IFI44: variants seen among roughly 807,000 people sequenced by gnomAD.
IFI44 encodes the protein interferon induced protein 44.
A neutral mutation model predicts 45.0 loss-of-function variants in IFI44; 42 were observed. The ratio of observed to expected loss-of-function variants is 0.93; its 90% confidence interval spans 0.73 to 1.21. IFI44 has a LOEUF of 1.21. Ranked by LOEUF, IFI44 falls within the 50% of genes most tolerant of loss-of-function variation. IFI44 has a pLI of 0.00. For missense variants in IFI44, 623 were observed against 525.8 expected (o/e 1.18, Z -1.81); for synonymous variants, 221 against 188.6 (o/e 1.17, Z -1.41).
chr1:78,660,932 T>C (rs1404057294), intron 7 of IFI44, among the ~76,000 whole-genome samples: 1 of 152,244 alleles, frequency 6.6e-6, no homozygotes, highest in Non-Finnish European at 1.5e-5. Context: ...TCCTTTGGTA[T>C]ACTTTAAATA....
chr1:78,655,641 A>T, intron 5 of IFI44, 130 bp downstream of exon 5: 1 of 794,506 alleles, frequency 1.3e-6, no homozygotes, highest in Non-Finnish European at 1.9e-6. Context: ...TTTTTTTTCA[A>T]AAAGAATAAA....
chr1:78,651,470 G>C (rs1647123967), intron 2 of IFI44, among the ~76,000 whole-genome samples: 1 of 152,132 alleles, frequency 6.6e-6, no homozygotes, highest in African/African-American at 2.4e-5. Flanking sequence ...ATGAGCAATG[G>C]GGAGCAGCTG....
intron 8 of IFI44, chr1:78,663,320 C>T: frequency 3.0e-6 from 3 of 985,148 alleles, no homozygotes; most frequent in Non-Finnish European, 3.6e-6. Flanking sequence ...CTTTTTGTTT[C>T]TTTCCTTCAT....
At chr1:78,650,084 T>G (rs2100424188) in intron 1 of IFI44, 102 bp from the exon 2 acceptor site, 1 of 593,964 alleles carries the variant, frequency 1.7e-6, no homozygotes, top group South Asian at 5.8e-5. Context: ...TTGTCATTTT[T>G]TGTATTATGT....
intron 6 of IFI44, among the ~76,000 whole-genome samples, chr1:78,659,880 G>C (rs943947685): frequency 2.6e-5 from 4 of 152,136 alleles, no homozygotes; most frequent in Non-Finnish European, 4.4e-5. Context: ...AAACATTTCC[G>C]AAAGGAAAAG....
rs753703504 is a variant in IFI44 at position 78,662,734 on chromosome 1, GCT to G, written c.1147_1148del (p.Leu383PhefsTer2). ...LEEVQRKLGF[A>X]LSDISVVSNY... Reference sequence around the variant, plus strand: ...GGAAGTCCAAAGAAAACTTGGATTTGCTCTTTCTGACATCTCGGTGGTTAGCA... The same window carrying G: ...GGAAGTCCAAAGAAAACTTGGATTTGCTTTCTGACATCTCGGTGGTTAGCA... On this transcript the variant is annotated frameshift_variant, in exon 8 of 9. Transcript: ENST00000370747. LOFTEE classifies it high-confidence loss of function. 1 of 1,613,300 alleles carries G rather than the reference GCT, an allele frequency of 6.2e-7. No individual in the cohort carries two copies. Among genetic ancestry groups the G allele is most frequent in the East Asian group, 2.2e-5 (1 of 44,848 alleles).
chr1:78,651,008 T>C (rs1193673566), intron 2 of IFI44, among the ~76,000 whole-genome samples: 2 of 152,212 alleles, frequency 1.3e-5, no homozygotes, highest in Non-Finnish European at 2.9e-5. Flanking sequence ...AGGGACATGC[T>C]GTATGTTGTT....
intron 7 of IFI44, among the ~76,000 whole-genome samples, chr1:78,662,128 C>A (rs916273411): frequency 6.6e-6 from 1 of 152,136 alleles, no homozygotes; most frequent in African/African-American, 2.4e-5. Context: ...GGTGGGAACA[C>A]CAGTTGGGAG....
intron 5 of IFI44, among the ~76,000 whole-genome samples, chr1:78,658,291 G>A (rs1327065371): frequency 6.6e-6 from 1 of 151,896 alleles, no homozygotes; most frequent in Non-Finnish European, 1.5e-5. Context: ...CAGTATAAAA[G>A]CTCTATCAGT....
chr1:78,655,007 T>TA lies in IFI44; in HGVS notation c.495-4dup, dbSNP rs1647183718. 1 of 1,601,222 alleles carries TA rather than the reference T, an allele frequency of 6.2e-7. No homozygotes were observed. The highest frequency in any genetic ancestry group is 8.5e-7 in the Non-Finnish European group (1 of 1,173,568). ...GTCAATTGTTAAAAACGGTCATGTC[T>TA]AAACAGGCTCAGGAAGAGCTTACTG... On this transcript the variant is annotated splice_region_variant and splice_polypyrimidine_tract_variant and intron_variant, in intron 3 of 8. Transcript: ENST00000370747.
rs754906118 is a variant in IFI44, at chr1:78,650,644, G to A, written c.449G>A (p.Arg150Gln). Residue 150 changes from arginine to glutamine, a missense_variant, in exon 2 of 9, where the codon CGA (arginine) becomes CAA (glutamine). Transcript: ENST00000370747. ...TISIQDYEVF[R>Q]CEDSLDERKI... ...TCTATTCAGGATTATGAAGTTTTTC[G>A]ATGCGAAGGTAGGTTTAATTAGATA... is the stretch of plus-strand genomic sequence containing the variant. The A allele has an allele frequency of 1.5e-5, 24 of 1,577,032 alleles. No homozygotes were observed. The highest frequency in any genetic ancestry group is 1.8e-4 in the Middle Eastern group (1 of 5,686).
chr1:78,650,423 C>T lies in IFI44; in HGVS notation c.228C>T (p.Ser76=), dbSNP rs773378364. The T allele has an allele frequency of 6.2e-7, 1 of 1,612,736 alleles. No homozygotes were observed. The highest frequency in any genetic ancestry group is 2.2e-5 in the East Asian group (1 of 44,852). ...GTTACCAGGAAGGAAAGTATGCTTC[C>T]ATCATCCTTTTTGCACTTCAAGATA... ...EESYQEGKYA[S]IILFALQDTK... The change falls in exon 2 of 9, where the codon TCC becomes TCT. Residue 76 remains serine, a synonymous_variant. Coordinates refer to ENST00000370747, the MANE Select transcript of IFI44 (RefSeq NM_006417.5).
chr1:78,658,278 C>T (rs1034475515), intron 5 of IFI44, among the ~76,000 whole-genome samples: 1 of 151,876 alleles, frequency 6.6e-6, no homozygotes, highest in Non-Finnish European at 1.5e-5. Flanking sequence ...TCTATAGTAA[C>T]CTCAGTATAA....
At chr1:78,655,870 C>T (rs1477130686) in intron 5 of IFI44, among the ~76,000 whole-genome samples, 2 of 152,138 alleles carry the variant, frequency 1.3e-5, no homozygotes. Flanking sequence ...AGGCCCTCAG[C>T]ATGGGCTGTT....
chr1:78,663,412 A>G, intron 8 of IFI44: 2 of 985,374 alleles, frequency 2.0e-6, no homozygotes, highest in South Asian at 4.7e-5. Flanking sequence ...TTAGTATTAC[A>G]TAAACTTTCT....
intron 2 of IFI44, among the ~76,000 whole-genome samples, chr1:78,652,698 A>G (rs1444174197): frequency 6.6e-6 from 1 of 152,202 alleles, no homozygotes; most frequent in Non-Finnish European, 1.5e-5. Context: ...TGCATCCTGC[A>G]CAGTATTTTA....
At chr1:78,661,235 C>T (rs1160893355) in intron 7 of IFI44, among the ~76,000 whole-genome samples, 2 of 152,056 alleles carry the variant, frequency 1.3e-5, no homozygotes, top group East Asian at 3.9e-4. Context: ...CTAATCTTTT[C>T]TGTATTTTTG....
Position 78,650,566 on chromosome 1 carries a change from T to A in IFI44, c.371T>A (p.Ile124Asn). ...ATAGATGGAAGAAATAGAAAAGTGATTATGGACTTAAAGACAATGGAAAAT... is the reference window on the plus strand; with the variant it reads ...ATAGATGGAAGAAATAGAAAAGTGAATATGGACTTAAAGACAATGGAAAAT... ...FQIDGRNRKVIMDLKTMENLG... is the reference protein window; with the variant it reads ...FQIDGRNRKVNMDLKTMENLG... The change falls in exon 2 of 9, where the codon ATT becomes AAT. Residue 124 changes from isoleucine to asparagine, a missense_variant. Coordinates refer to ENST00000370747, the MANE Select transcript of IFI44 (RefSeq NM_006417.5). 6.2e-7 allele frequency: 1 copy of A among 1,613,526 alleles called. No individual in the cohort carries two copies. Among genetic ancestry groups the A allele is most frequent in the Non-Finnish European group, 8.5e-7 (1 of 1,179,602 alleles).
chr1:78,650,385 T>C lies in IFI44; in HGVS notation c.190T>C (p.Tyr64His), dbSNP rs1647102741. 6.2e-7 allele frequency: 1 copy of C among 1,614,112 alleles called. No homozygotes were observed. The highest frequency in any genetic ancestry group is 8.5e-7 in the Non-Finnish European group (1 of 1,179,964). The change falls in exon 2 of 9, where the codon TAT becomes CAT. Residue 64 changes from tyrosine to histidine, a missense_variant. Transcript: ENST00000370747. ...TAGTGAAGATCATATTATTGGAGCA[T>C]ATGCAGAAGAGAGTTACCAGGAAGG... is the stretch of plus-strand genomic sequence containing the variant. ...IYSEDHIIGA[Y>H]AEESYQEGKY...
Sources: allele counts gnomAD v4.1 joint callset (sites outside exome capture counted in the v4.1 genomes callset), GRCh38; gene constraint gnomAD v4.1.1; transcripts MANE v1.5; gene names NCBI Gene and HGNC (gene_info 2026-07-23, HGNC 2026-07-21).